Variants in KSR2 observed in about 807,000 individuals in gnomAD.
KSR2 encodes kinase suppressor of ras 2.
A neutral mutation model predicts 107.8 loss-of-function variants in KSR2; 25 were observed. That is an observed-to-expected ratio of 0.23 (90% CI 0.17 to 0.32). The LOEUF (loss-of-function observed/expected upper bound fraction) is 0.32. Ranked by LOEUF, KSR2 falls within the 10% of genes least tolerant of loss-of-function variation. The pLI is 1.00. For synonymous variants in KSR2, 480 were observed against 507.0 expected (o/e 0.95, Z 0.71); for missense variants, 887 against 1,268.9 (o/e 0.70, Z 4.57).
chr12:117,564,144 T>A (rs1304979552), intron 7 of KSR2, among the ~76,000 whole-genome samples: 1 of 151,776 alleles, frequency 6.6e-6, no homozygotes, highest in East Asian at 1.9e-4. Flanking sequence ...AGGGAAGAGG[T>A]GAGGTGGACA....
chr12:117,914,688 C>T (rs1395819095), intron 1 of KSR2, among the ~76,000 whole-genome samples: 1 of 152,150 alleles, frequency 6.6e-6, no homozygotes, highest in Non-Finnish European at 1.5e-5. Context: ...GCGTGTGCCA[C>T]CACACCTGGC....
chr12:117,870,616 G>GA (rs1208316374), intron 1 of KSR2, among the ~76,000 whole-genome samples: 10 of 151,470 alleles, frequency 6.6e-5, no homozygotes, highest in Non-Finnish European at 1.0e-4. Flanking sequence ...GAAAAGAAAA[G>GA]AAAAAAAAAT....
At chr12:117,784,382 C>A (rs544994391) in intron 3 of KSR2, among the ~76,000 whole-genome samples, 2 of 152,206 alleles carry the variant, frequency 1.3e-5, no homozygotes, top group African/African-American at 4.8e-5. Context: ...CTCTTCCTTC[C>A]TCTTCTGCCA....
At chr12:117,490,098 T>C (rs1872668258) in intron 14 of KSR2, among the ~76,000 whole-genome samples, 1 of 152,190 alleles carries the variant, frequency 6.6e-6, no homozygotes, top group African/African-American at 2.4e-5. Context: ...GGTGAGGATA[T>C]GGACACCTAG....
At chr12:117,563,902 A>G (rs2137370658) in intron 7 of KSR2, among the ~76,000 whole-genome samples, 1 of 152,044 alleles carries the variant, frequency 6.6e-6, no homozygotes, top group Non-Finnish European at 1.5e-5. Flanking sequence ...TCACTTCCCC[A>G]TTCCTCTATT....
intron 3 of KSR2, among the ~76,000 whole-genome samples, chr12:117,763,155 C>T (rs1889107191): frequency 6.6e-6 from 1 of 151,454 alleles, no homozygotes; most frequent in African/African-American, 2.4e-5. Context: ...GTTTTTTGTC[C>T]TTGCGATAGT....
intron 1 of KSR2, among the ~76,000 whole-genome samples, chr12:117,886,545 G>A (rs1026136920): frequency 3.9e-5 from 6 of 152,160 alleles, no homozygotes; most frequent in Non-Finnish European, 7.4e-5. Context: ...AGGCTCTATC[G>A]TACAGCCTAG....
At chr12:117,936,530 T>TAG (rs1566089629) in intron 1 of KSR2, among the ~76,000 whole-genome samples, 1,595 of 115,216 alleles carry the variant, frequency 0.014, 12 homozygotes, top group African/African-American at 0.032. Context: ...ATTATTATTA[T>TAG]TATTAGTAGT....
At chr12:117,928,415 C>G (rs1323000411) in intron 1 of KSR2, among the ~76,000 whole-genome samples, 1 of 152,166 alleles carries the variant, frequency 6.6e-6, no homozygotes, top group Non-Finnish European at 1.5e-5. Flanking sequence ...AACTCCTGAG[C>G]TCAAGCAGTC....
chr12:117,750,590 T>C (rs759172436), intron 4 of KSR2, among the ~76,000 whole-genome samples: 22 of 152,204 alleles, frequency 1.4e-4, no homozygotes, highest in Non-Finnish European at 2.5e-4. Flanking sequence ...CGGGGTATGA[T>C]AGACCCAACA....
At chr12:117,920,958 C>T (rs553838728) in intron 1 of KSR2, among the ~76,000 whole-genome samples, 1 of 152,306 alleles carries the variant, frequency 6.6e-6, no homozygotes, top group African/African-American at 2.4e-5. Flanking sequence ...CTCTAAATTA[C>T]AGCTATCTGC....
intron 4 of KSR2, among the ~76,000 whole-genome samples, chr12:117,695,977 G>C (rs938241192): frequency 6.6e-6 from 1 of 152,212 alleles, no homozygotes; most frequent in Non-Finnish European, 1.5e-5. Context: ...CCAGCACAGT[G>C]AGAGAAGCCA....
chr12:117,757,054 C>A (rs927153483), intron 4 of KSR2, among the ~76,000 whole-genome samples: 248 of 137,346 alleles, frequency 1.8e-3, no homozygotes, highest in African/African-American at 1.7e-3. Flanking sequence ...GACTCCATCT[C>A]AAAAAAAAAA....
chr12:117,793,907 C>G (rs987281306), intron 3 of KSR2, among the ~76,000 whole-genome samples: 2 of 142,336 alleles, frequency 1.4e-5, no homozygotes, highest in African/African-American at 5.2e-5. Flanking sequence ...AACATGCACA[C>G]TCACACCAAC....
At chr12:117,899,165 C>T (rs1290337602) in intron 1 of KSR2, among the ~76,000 whole-genome samples, 1 of 152,256 alleles carries the variant, frequency 6.6e-6, no homozygotes, top group East Asian at 1.9e-4. Context: ...CTTTGGGATA[C>T]AACCGTGAAA....
At chr12:117,934,824 T>A (rs985015514) in intron 1 of KSR2, among the ~76,000 whole-genome samples, 1 of 152,108 alleles carries the variant, frequency 6.6e-6, no homozygotes, top group Non-Finnish European at 1.5e-5. Context: ...TCTATTTATA[T>A]TTTAAATTTT....
chr12:117,575,751 G>A (rs1479540095), intron 7 of KSR2, among the ~76,000 whole-genome samples: 1 of 152,174 alleles, frequency 6.6e-6, no homozygotes, highest in Non-Finnish European at 1.5e-5. Flanking sequence ...TTTGAATTTT[G>A]TCTCTTATAT....
chr12:117,714,241 A>T (rs1322822792), intron 4 of KSR2, among the ~76,000 whole-genome samples: 2 of 152,118 alleles, frequency 1.3e-5, no homozygotes, highest in Admixed American at 6.6e-5. Flanking sequence ...GATAAACTGC[A>T]CCGTTCTCTG....
chr12:117,517,657 C>G (rs1216883612), intron 14 of KSR2: 1 of 356,868 alleles, frequency 2.8e-6, no homozygotes, highest in Non-Finnish European at 5.4e-6. Flanking sequence ...CACAAAAGTC[C>G]CAGGGTGCTT....
Sources: allele counts gnomAD v4.1 joint callset (sites outside exome capture counted in the v4.1 genomes callset), GRCh38; gene constraint gnomAD v4.1.1; transcripts MANE v1.5; gene names NCBI Gene and HGNC (gene_info 2026-07-23, HGNC 2026-07-21).